DRC11: variants seen among roughly 807,000 people sequenced by gnomAD.
DRC11 encodes the protein dynein regulatory complex subunit 11.
chr2:236,347,661 C>A, the DRC11 span, among the ~76,000 whole-genome samples: 1 of 151,242 alleles, frequency 6.6e-6, no homozygotes, highest in Non-Finnish European at 1.5e-5. Context: ...CTCACTAGGA[C>A]GCGAAGGCAT....
chr2:236,461,543 T>C, the DRC11 span, among the ~76,000 whole-genome samples: 1 of 152,174 alleles, frequency 6.6e-6, no homozygotes, highest in East Asian at 1.9e-4. The surrounding 1 kb of genome is among the most constrained non-coding windows in gnomAD (Gnocchi z 4.0). Flanking sequence ...ATTCATGAAA[T>C]TTATATACCA....
chr2:236,325,528 A>G, the DRC11 span, among the ~76,000 whole-genome samples: 6 of 151,790 alleles, frequency 4.0e-5, no homozygotes, highest in Non-Finnish European at 8.8e-5. This position sits in a 1 kb window ranked among gnomAD's most constrained non-coding sequence, Gnocchi z 4.4. Context: ...AACATCTTCA[A>G]TTTTACTTGG....
chr2:236,375,750 T>A, the DRC11 span, among the ~76,000 whole-genome samples: 23 of 152,160 alleles, frequency 1.5e-4, no homozygotes, highest in Non-Finnish European at 3.1e-4. The surrounding 1 kb of genome is among the most constrained non-coding windows in gnomAD (Gnocchi z 4.2). Flanking sequence ...CAGACGATAA[T>A]ACATTGAATA....
the DRC11 span, among the ~76,000 whole-genome samples, chr2:236,455,822 T>C: frequency 6.6e-6 from 1 of 152,208 alleles, no homozygotes; most frequent in Non-Finnish European, 1.5e-5. This position sits in a 1 kb window ranked among gnomAD's most constrained non-coding sequence, Gnocchi z 5.7. Context: ...GAATGTGCAT[T>C]TGCTGGCAAT....
At chr2:236,336,283 A>C in the DRC11 span, among the ~76,000 whole-genome samples, 1 of 152,188 alleles carries the variant, frequency 6.6e-6, no homozygotes, top group Non-Finnish European at 1.5e-5. The surrounding 1 kb of genome is among the most constrained non-coding windows in gnomAD (Gnocchi z 7.3). Context: ...TAGCAAAAAA[A>C]ACGGAGCAGC....
the DRC11 span, among the ~76,000 whole-genome samples, chr2:236,397,144 G>A: frequency 3.9e-5 from 6 of 152,232 alleles, no homozygotes; most frequent in Non-Finnish European, 8.8e-5. This position sits in a 1 kb window ranked among gnomAD's most constrained non-coding sequence, Gnocchi z 5.0. Flanking sequence ...ATCTGGTTTC[G>A]TGGAAGCTCT....
the DRC11 span, among the ~76,000 whole-genome samples, chr2:236,318,339 C>T: frequency 2.6e-5 from 4 of 152,110 alleles, no homozygotes; most frequent in South Asian, 6.2e-4. The surrounding 1 kb of genome is among the most constrained non-coding windows in gnomAD (Gnocchi z 7.0). Flanking sequence ...GCCTGAGGCC[C>T]AGGGGTGTGC....
the DRC11 span, among the ~76,000 whole-genome samples, chr2:236,502,222 A>G: frequency 3.2e-4 from 49 of 152,326 alleles, no homozygotes; most frequent in Non-Finnish European, 5.7e-4. Flanking sequence ...ATTTTTTAAC[A>G]CCACTGCTTA....
the DRC11 span, among the ~76,000 whole-genome samples, chr2:236,394,969 A>T: frequency 2.1e-4 from 32 of 152,142 alleles, no homozygotes; most frequent in Non-Finnish European, 3.2e-4. This position sits in a 1 kb window ranked among gnomAD's most constrained non-coding sequence, Gnocchi z 7.0. Flanking sequence ...TGATGCAGAA[A>T]ATGATGCAAA....
the DRC11 span, among the ~76,000 whole-genome samples, chr2:236,476,640 G>T: frequency 9.6e-3 from 1,465 of 152,230 alleles, 32 homozygotes; most frequent in African/African-American, 0.033. The surrounding 1 kb of genome is among the most constrained non-coding windows in gnomAD (Gnocchi z 4.7). Context: ...TGTCCTGCAT[G>T]TTTCATGTTT....
the DRC11 span, chr2:236,344,483 G>T: frequency 1.0e-6 from 1 of 993,782 alleles, no homozygotes; most frequent in Non-Finnish European, 1.5e-6. Context: ...TTCTCAAAAA[G>T]TAGAGGTAGG....
the DRC11 span, among the ~76,000 whole-genome samples, chr2:236,459,534 CGT>C: frequency 7.4e-3 from 518 of 70,064 alleles, 5 homozygotes; most frequent in Non-Finnish European, 0.012. Context: ...TACATGTATA[CGT>C]ATACGTATAC....
At chr2:236,321,980 G>A in the DRC11 span, among the ~76,000 whole-genome samples, 1 of 152,044 alleles carries the variant, frequency 6.6e-6, no homozygotes, top group Non-Finnish European at 1.5e-5. Flanking sequence ...AAGCAGACTC[G>A]GGGGTATGCC....
At chr2:236,399,782 T>C in the DRC11 span, among the ~76,000 whole-genome samples, 15 of 149,370 alleles carry the variant, frequency 1.0e-4, no homozygotes, top group Non-Finnish European at 1.0e-4. The surrounding 1 kb of genome is among the most constrained non-coding windows in gnomAD (Gnocchi z 7.0). Flanking sequence ...TAAAAAACTT[T>C]CTTTCTTTCT....
chr2:236,502,548 C>CAAAAAAAAAAAAAA, the DRC11 span, among the ~76,000 whole-genome samples: 20 of 15,088 alleles, frequency 1.3e-3, 1 homozygote, highest in African/African-American at 2.5e-3. Context: ...TGCACTCCAG[C>CAAAAAAAAAAAAAA]AAAAAAAAAA....
the DRC11 span, among the ~76,000 whole-genome samples, chr2:236,427,720 G>A: frequency 6.6e-6 from 1 of 151,578 alleles, no homozygotes; most frequent in East Asian, 1.9e-4. The surrounding 1 kb of genome is among the most constrained non-coding windows in gnomAD (Gnocchi z 5.9). Flanking sequence ...GTTTTTTTGA[G>A]GCTCCATTTC....
At chr2:236,328,481 C>G in the DRC11 span, among the ~76,000 whole-genome samples, 1 of 152,142 alleles carries the variant, frequency 6.6e-6, no homozygotes, top group African/African-American at 2.4e-5. This position sits in a 1 kb window ranked among gnomAD's most constrained non-coding sequence, Gnocchi z 6.7. Context: ...GATGCTTCCC[C>G]ATGGCAACCT....
At chr2:236,373,500 C>T in the DRC11 span, among the ~76,000 whole-genome samples, 1 of 152,182 alleles carries the variant, frequency 6.6e-6, no homozygotes, top group Non-Finnish European at 1.5e-5. Context: ...ATCCGCCCAC[C>T]TCAGTCTCCC....
chr2:236,472,371 TACTCC>T, the DRC11 span, among the ~76,000 whole-genome samples: 2 of 152,216 alleles, frequency 1.3e-5, no homozygotes, highest in East Asian at 1.9e-4. This position sits in a 1 kb window ranked among gnomAD's most constrained non-coding sequence, Gnocchi z 4.6. Context: ...CCCTATGGGC[TACTCC>T]AAACCCTTTG....
Sources: gnomAD v4.1 joint callset for allele counts (sites outside exome capture counted in the v4.1 genomes callset) on GRCh38, gnomAD v4.1.1 for gene constraint, Gnocchi (gnomAD v3.1) non-coding constraint, MANE v1.5 for transcripts, NCBI Gene and HGNC (gene_info 2026-07-23, HGNC 2026-07-21) for gene names.